SRPK2: variants seen among roughly 807,000 people sequenced by gnomAD.
The protein encoded by SRPK2 is SFRS protein kinase 2.
SRPK2 carries 21 observed loss-of-function variants against 90.8 expected under a neutral mutation model. The observed-to-expected ratio is 0.23, with a 90% CI of 0.16 to 0.33. The LOEUF is 0.33. SRPK2 is among the 10% of genes least tolerant of loss of function. The pLI, the probability that SRPK2 is intolerant of heterozygous loss-of-function variation, is 1.00. For synonymous variants in SRPK2, 288 were observed against 311.1 expected (o/e 0.93, Z 0.78); for missense variants, 620 against 869.0 (o/e 0.71, Z 3.60).
At chr7:105,263,460 TA>T (rs1225165397) in intron 2 of SRPK2, among the ~76,000 whole-genome samples, 1 of 152,162 alleles carries the variant, frequency 6.6e-6, no homozygotes, top group Non-Finnish European at 1.5e-5. Flanking sequence ...GAGACTGAAT[TA>T]ATTACAACTA....
rs368799863 is a variant in SRPK2 at position 105,142,330 on chromosome 7, C to A, written c.1221G>T (p.Gln407His). The A allele has an allele frequency of 1.2e-6, 2 of 1,614,056 alleles. No homozygotes were observed. Among genetic ancestry groups the A allele is most frequent in the Non-Finnish European group, 1.7e-6 (2 of 1,180,022 alleles). Residue 407 changes from glutamine (Q) to histidine (H), a missense_variant, in exon 11 of 16, where the codon CAG becomes CAT. This residue lies in a region of SRPK2 where 243 missense variants were observed against 245.7 expected (regional missense o/e 0.99). Coordinates refer to ENST00000393651, the MANE Select transcript of SRPK2 (RefSeq NM_182692.3). ...CATCATCATCTTCATCGTCCAGTTG[C>A]TGCTCCAGTGAGAATGGGCCATTCT... Reference protein sequence around the residue: ...HIENGPFSLEQQLDDEDDDEE... With the variant: ...HIENGPFSLEHQLDDEDDDEE...
At chr7:105,325,486 C>CAAA (rs33959633) in intron 2 of SRPK2, among the ~76,000 whole-genome samples, 9,760 of 85,914 alleles carry the variant, frequency 0.11, 891 homozygotes, top group Middle Eastern at 0.18. Context: ...ACCAAGTCTT[C>CAAA]AAAAAAAAAA....
At chr7:105,134,615 G>A (rs191567700) in intron 11 of SRPK2, among the ~76,000 whole-genome samples, 6 of 152,286 alleles carry the variant, frequency 3.9e-5, no homozygotes, top group Non-Finnish European at 8.8e-5. Flanking sequence ...GGGTACATAC[G>A]AGCTGTGAAA....
At chr7:105,345,372 C>A (rs1409063861) in intron 2 of SRPK2, among the ~76,000 whole-genome samples, 1 of 152,138 alleles carries the variant, frequency 6.6e-6, no homozygotes, top group African/African-American at 2.4e-5. Context: ...TCAGTCTCAA[C>A]TTCTCTCCCG....
At chr7:105,214,714 C>G (rs550598085) in intron 2 of SRPK2, among the ~76,000 whole-genome samples, 20 of 152,250 alleles carry the variant, frequency 1.3e-4, no homozygotes, top group Middle Eastern at 3.4e-3. Context: ...CCTAAATAAA[C>G]AGAAGACATC....
At chr7:105,387,685 C>T (rs4727620) in intron 2 of SRPK2, among the ~76,000 whole-genome samples, 147,345 of 152,272 alleles carry the variant, frequency 0.97, 71,490 homozygotes, top group East Asian at 1. Context: ...TCGTTCCCCA[C>T]AGTACCAAAG....
intron 8 of SRPK2, 78 bp from the exon 9 acceptor site, chr7:105,145,386 G>C (rs1011573850): frequency 4.9e-5 from 52 of 1,052,452 alleles, no homozygotes; most frequent in Non-Finnish European, 6.5e-5. Flanking sequence ...GAATTGCAAA[G>C]TGAAATAATT....
chr7:105,142,515 T>G, intron 10 of SRPK2, 25 bp from the exon 11 acceptor site: 1 of 1,578,022 alleles, frequency 6.3e-7, no homozygotes, highest in Non-Finnish European at 8.6e-7. Flanking sequence ...GGGTCAAGAA[T>G]TAGAACTTGT....
At chr7:105,151,318 CT>C (rs1302850988) in intron 7 of SRPK2, among the ~76,000 whole-genome samples, 2 of 152,192 alleles carry the variant, frequency 1.3e-5, no homozygotes, top group Non-Finnish European at 1.5e-5. Flanking sequence ...TGTGTTACCC[CT>C]GGGCAAGCTG....
At chr7:105,339,105 A>C (rs144329347) in intron 2 of SRPK2, among the ~76,000 whole-genome samples, 311 of 152,358 alleles carry the variant, frequency 2.0e-3, no homozygotes, top group African/African-American at 7.0e-3. Context: ...AAGGACAGAT[A>C]TTCAAGTACG....
intron 3 of SRPK2, among the ~76,000 whole-genome samples, chr7:105,183,205 T>C (rs558563757): frequency 6.6e-6 from 1 of 152,334 alleles, no homozygotes; most frequent in South Asian, 2.1e-4. Flanking sequence ...TATAAGTTTG[T>C]AGCTGTGTAA....
chr7:105,148,746 G>C (rs912066716), intron 7 of SRPK2, among the ~76,000 whole-genome samples: 1 of 152,230 alleles, frequency 6.6e-6, no homozygotes, highest in Non-Finnish European at 1.5e-5. Flanking sequence ...GCTTTGCTGA[G>C]ATGTTGTTAA....
intron 2 of SRPK2, among the ~76,000 whole-genome samples, chr7:105,232,955 G>A (rs1799638100): frequency 6.6e-6 from 1 of 151,992 alleles, no homozygotes; most frequent in African/African-American, 2.4e-5. Context: ...GGGAGGCGGA[G>A]GTTGTGGTGA....
intron 2 of SRPK2, among the ~76,000 whole-genome samples, chr7:105,380,020 C>G (rs1007267137): frequency 6.6e-6 from 1 of 152,174 alleles, no homozygotes; most frequent in Non-Finnish European, 1.5e-5. Flanking sequence ...TAGGCACCTG[C>G]AGTCCCAGCT....
intron 2 of SRPK2, among the ~76,000 whole-genome samples, chr7:105,348,031 A>G (rs887914071): frequency 6.7e-6 from 1 of 150,046 alleles, no homozygotes; most frequent in Admixed American, 6.6e-5. Context: ...AGTGACATAT[A>G]CCATTAATAT....
At chr7:105,151,842 G>A (rs887400758) in intron 7 of SRPK2, among the ~76,000 whole-genome samples, 3 of 152,128 alleles carry the variant, frequency 2.0e-5, no homozygotes, top group South Asian at 2.1e-4. Flanking sequence ...TGGCCAACAC[G>A]GTGAAACCCC....
intron 8 of SRPK2, among the ~76,000 whole-genome samples, 169 bp downstream of exon 8, chr7:105,146,324 A>G (rs1374176986): frequency 6.6e-6 from 1 of 152,260 alleles, no homozygotes; most frequent in East Asian, 1.9e-4. Flanking sequence ...ATATTAAAAT[A>G]TAATGTAGCT....
At position 105,388,721 on chromosome 7, in the gene SRPK2, A is replaced by T. The variant is rs770154259; in HGVS notation, c.17-19T>A. ...GCCAGCACTGGGGAAGAGAAGACACACATTAACGGTCGGGCCGCCCGCCCG... is the reference window on the plus strand; with the variant it reads ...GCCAGCACTGGGGAAGAGAAGACACTCATTAACGGTCGGGCCGCCCGCCCG... On this transcript the variant is annotated intron_variant, in intron 1 of 15. Coordinates refer to ENST00000393651, the MANE Select transcript of SRPK2 (RefSeq NM_182692.3). The T allele has an allele frequency of 3.8e-6, 6 of 1,564,062 alleles. No individual in the cohort carries two copies. In the South Asian group the frequency reaches 6.9e-5, roughly 18 times the overall value.
chr7:105,381,095 T>G (rs1047306264), intron 2 of SRPK2, among the ~76,000 whole-genome samples: 2 of 149,452 alleles, frequency 1.3e-5, no homozygotes, highest in Non-Finnish European at 1.5e-5. Context: ...ACAAAGAAAA[T>G]AAGCTGGGCA....
Sources: gnomAD v4.1 joint callset for allele counts (sites outside exome capture counted in the v4.1 genomes callset) on GRCh38, gnomAD v4.1.1 for gene constraint, gnomAD v4.1.1 regional missense constraint, MANE v1.5 for transcripts, NCBI Gene and HGNC (gene_info 2026-07-23, HGNC 2026-07-21) for gene names.